Variants in CCND3 observed in about 807,000 individuals in gnomAD.
CCND3 encodes G1/S-specific cyclin-D3.
In CCND3, 9 loss-of-function variants were observed where a neutral mutation model predicts 28.7. The observed-to-expected ratio is 0.31, with a 90% CI of 0.19 to 0.55. The LOEUF is 0.55. Ranked by LOEUF, CCND3 falls within the 20% of genes least tolerant of loss-of-function variation. CCND3 has a pLI of 0.93. For synonymous variants in CCND3, 164 were observed against 163.9 expected, an observed-to-expected ratio of 1.00 and a Z score of 0.00; for missense variants, 315 against 385.8, an observed-to-expected ratio of 0.82 and a Z score of 1.54.
intron 1 of CCND3, among the ~76,000 whole-genome samples, chr6:41,988,746 T>A (rs1167316624): frequency 7.0e-6 from 1 of 143,068 alleles, no homozygotes; most frequent in Non-Finnish European, 1.5e-5. Context: ...TCGCCCAGGC[T>A]GGAGTGCAGT....
At chr6:41,998,426 G>A (rs9462760) in intron 1 of CCND3, among the ~76,000 whole-genome samples, 146,350 of 149,284 alleles carry the variant, frequency 0.98, 71,786 homozygotes, top group East Asian at 1. Context: ...TCAGCTCACC[G>A]CAACCTCCAC....
intron 1 of CCND3, among the ~76,000 whole-genome samples, chr6:41,955,670 T>G (rs1391658053): frequency 1.5e-5 from 2 of 133,942 alleles, no homozygotes; most frequent in African/African-American, 5.4e-5. Context: ...AAAAAAAAAA[T>G]TAGCCAAACT....
At chr6:42,026,621 G>A (rs1211782590) in intron 1 of CCND3, among the ~76,000 whole-genome samples, 1 of 152,054 alleles carries the variant, frequency 6.6e-6, no homozygotes, top group African/African-American at 2.4e-5. Flanking sequence ...ATTGCCAACT[G>A]TCCCCTAAAA....
At chr6:41,987,515 C>CTGTGTG (rs1314945814) in intron 1 of CCND3, among the ~76,000 whole-genome samples, 3 of 41,240 alleles carry the variant, frequency 7.3e-5, no homozygotes, top group African/African-American at 4.2e-4. Flanking sequence ...CTCTCTCTCT[C>CTGTGTG]TCTGTGTGTG....
intron 1 of CCND3, among the ~76,000 whole-genome samples, chr6:41,968,308 A>G (rs1255693912): frequency 6.6e-6 from 1 of 152,266 alleles, no homozygotes; most frequent in East Asian, 1.9e-4. Context: ...TCTGAAGCTG[A>G]AATAAGCTTT....
intron 1 of CCND3, among the ~76,000 whole-genome samples, chr6:41,978,656 C>G (rs1762247265): frequency 6.6e-6 from 1 of 152,078 alleles, no homozygotes; most frequent in Non-Finnish European, 1.5e-5. Flanking sequence ...CTGATGTGTT[C>G]TATCTACTGA....
chr6:41,992,515 A>G (rs1417674996), intron 1 of CCND3, among the ~76,000 whole-genome samples: 1 of 123,956 alleles, frequency 8.1e-6, no homozygotes, highest in African/African-American at 3.1e-5. Context: ...GCTGGAGTGC[A>G]GTGGCTCACT....
At position 42,048,734 on chromosome 6, in the gene CCND3, G is replaced by C. The variant is rs1350872951; in HGVS notation, c.-279C>G. 2.0e-6 allele frequency: 1 copy of C among 499,498 alleles called. No individual in the cohort carries two copies. The highest frequency in any genetic ancestry group is 1.9e-5 in the African/African-American group (1 of 51,438). The allele number at this position is 499,498 out of a possible 1,614,324, so 30.9% of individuals were successfully genotyped here. On this transcript the variant is annotated 5_prime_UTR_variant, in exon 1 of 5. Transcript: ENST00000372988. The surrounding 1 kb of genome is among the most constrained non-coding windows in gnomAD (Gnocchi z 4.7). ...CCGATCCAGAGCTGGGCAGGAAGTG[G>C]GGAAGAGGGGGCGGAGGAGACAAAG...
At chr6:41,988,691 C>CTT (rs1554163791) in intron 1 of CCND3, among the ~76,000 whole-genome samples, 3 of 45,988 alleles carry the variant, frequency 6.5e-5, no homozygotes, top group Middle Eastern at 0.012. Context: ...ATAAGCTGAA[C>CTT]TTCTTTTCTT....
chr6:41,996,202 T>C (rs1048968357), intron 1 of CCND3, among the ~76,000 whole-genome samples: 17 of 150,532 alleles, frequency 1.1e-4, no homozygotes, highest in Non-Finnish European at 2.2e-4. Context: ...CAGGCTGGAG[T>C]GCACTGGCAT....
intron 1 of CCND3, among the ~76,000 whole-genome samples, chr6:42,000,564 C>CTTTTTTTTT (rs774090777): frequency 0.026 from 2,244 of 85,494 alleles, 457 homozygotes; most frequent in African/African-American, 0.078. Context: ...TGAAACGAAT[C>CTTTTTTTTT]TTTTTTTTTT....
At chr6:41,964,475 A>AGT (rs373253252) in intron 1 of CCND3, among the ~76,000 whole-genome samples, 24,738 of 108,072 alleles carry the variant, frequency 0.23, 2,462 homozygotes, top group Non-Finnish European at 0.28. Context: ...TGTGTGTGTG[A>AGT]GTGTGTGTGA....
chr6:42,028,399 A>G (rs1156620731), intron 1 of CCND3, among the ~76,000 whole-genome samples: 2 of 152,218 alleles, frequency 1.3e-5, no homozygotes, highest in African/African-American at 2.4e-5. Context: ...TGTGCTATCT[A>G]TCAGCTGCCT....
chr6:41,936,577 C>A lies in CCND3; in HGVS notation c.693G>T (p.Gly231=), dbSNP rs1261759366. 1 of 1,614,178 alleles carries A rather than the reference C, an allele frequency of 6.2e-7. No individual in the cohort carries two copies. The highest frequency in any genetic ancestry group is 1.7e-4 in the Middle Eastern group (1 of 6,060). Residue 231 remains glycine (G), a synonymous_variant, in exon 4 of 5, where the codon GGG becomes GGT. Transcript: ENST00000372991. This position sits in a 1 kb window ranked among gnomAD's most constrained non-coding sequence, Gnocchi z 4.4. ...SGDELTELLA[G]ITGTEVDCLR... ...CACTCACCACTTCAGTGCCAGTGAT[C>A]CCTGCCAGCAGCTCTGTGAGCTCAT... is the stretch of plus-strand genomic sequence containing the variant.
intron 1 of CCND3, among the ~76,000 whole-genome samples, chr6:41,948,666 G>A (rs777003403): frequency 1.1e-4 from 16 of 151,596 alleles, no homozygotes; most frequent in Non-Finnish European, 1.9e-4. Context: ...GTGAAACCCC[G>A]TCTCTAGTAA....
At chr6:41,991,543 T>C (rs1347726082) in intron 1 of CCND3, among the ~76,000 whole-genome samples, 1 of 152,242 alleles carries the variant, frequency 6.6e-6, no homozygotes, top group Non-Finnish European at 1.5e-5. Context: ...TGTACAGTGA[T>C]CAGAGTAATT....
In CCND3 at chr6:41,940,366, G is replaced by C; in HGVS notation, c.414+4C>G. 1.2e-6 allele frequency: 2 copies of C among 1,610,710 alleles called. No individual in the cohort carries two copies. The highest frequency in any genetic ancestry group is 1.7e-6 in the Non-Finnish European group (2 of 1,177,002). On this transcript the variant is annotated splice_donor_region_variant and intron_variant, in intron 2 of 4. Coordinates refer to ENST00000372991, the MANE Select transcript of CCND3 (RefSeq NM_001760.5). ...GTCGGGGGTGGGGGGAGTTACACACGCACCCGCAACTGGCGGGGAGAGACA... is the reference window on the plus strand; with the variant it reads ...GTCGGGGGTGGGGGGAGTTACACACCCACCCGCAACTGGCGGGGAGAGACA...
chr6:41,987,292 C>T (rs1331303160), intron 1 of CCND3, among the ~76,000 whole-genome samples: 1 of 151,974 alleles, frequency 6.6e-6, no homozygotes, highest in East Asian at 1.9e-4. Context: ...CCTAATACTT[C>T]AGTGATACCT....
chr6:42,002,866 A>G (rs1318631561), intron 1 of CCND3, among the ~76,000 whole-genome samples: 3 of 149,432 alleles, frequency 2.0e-5, no homozygotes, highest in Non-Finnish European at 4.4e-5. Context: ...AAACACAAAA[A>G]AGAAAGAAAA....
Sources: gnomAD v4.1 joint callset for allele counts (sites outside exome capture counted in the v4.1 genomes callset) on GRCh38, gnomAD v4.1.1 for gene constraint, Gnocchi (gnomAD v3.1) non-coding constraint, MANE v1.5 for transcripts, NCBI Gene and HGNC (gene_info 2026-07-23, HGNC 2026-07-21) for gene names.